The following COL13A1 variants were observed in gnomAD, a reference collection of about 807,000 sequenced individuals.
COL13A1 encodes collagen alpha-1(XIII) chain.
In COL13A1, 89 loss-of-function variants were observed where a neutral mutation model predicts 130.9. The ratio of observed to expected loss-of-function variants is 0.68; its 90% CI spans 0.57 to 0.81. The LOEUF (loss-of-function observed/expected upper bound fraction) is 0.81, where lower values mean the gene tolerates loss of function less well. Among genes scored for constraint, COL13A1 ranks in the 30% least tolerant of loss-of-function variants. The probability of loss-of-function intolerance (pLI) is 0.00; values close to 1 mark genes in which losing one functional copy is unlikely to be tolerated. For synonymous variants in COL13A1, 402 were observed against 341.6 expected (o/e 1.18, Z -1.95); for missense variants, 879 against 934.6 (o/e 0.94, Z 0.78).
At chr10:69,843,111 A>G (rs914123198) in intron 2 of COL13A1, among the ~76,000 whole-genome samples, 25 of 152,138 alleles carry the variant, frequency 1.6e-4, no homozygotes, top group African/African-American at 5.6e-4. Flanking sequence ...TCCAGCACCC[A>G]CGTCACAGCA....
chr10:69,871,000 A>G (rs2059014091), intron 3 of COL13A1, among the ~76,000 whole-genome samples: 1 of 152,036 alleles, frequency 6.6e-6, no homozygotes, highest in Non-Finnish European at 1.5e-5. Context: ...TGTCGGTTGT[A>G]AGGACACAGT....
At chr10:69,891,426 T>C (rs1360523744) in intron 10 of COL13A1, among the ~76,000 whole-genome samples, 1 of 152,154 alleles carries the variant, frequency 6.6e-6, no homozygotes. Flanking sequence ...AGGAAAATCC[T>C]TGACATGTCT....
intron 36 of COL13A1, 110 bp from the exon 37 acceptor site, chr10:69,945,561 C>G (rs1445773452): frequency 2.1e-6 from 3 of 1,458,874 alleles, no homozygotes; most frequent in Non-Finnish European, 2.8e-6. Flanking sequence ...TCCCGGAGGG[C>G]TCTTGAGGGG....
intron 8 of COL13A1, 30 bp downstream of exon 8, chr10:69,887,521 T>C (rs1471499770): frequency 5.0e-6 from 8 of 1,612,958 alleles, no homozygotes; most frequent in Non-Finnish European, 6.8e-6. Context: ...GTTAGCTGTG[T>C]CCCAGGTGGT....
intron 14 of COL13A1, among the ~76,000 whole-genome samples, chr10:69,901,190 G>C (rs1313035180): frequency 1.3e-5 from 2 of 152,140 alleles, no homozygotes; most frequent in Non-Finnish European, 2.9e-5. Context: ...CAGCCGGGTG[G>C]GGGACCTGCA....
At chr10:69,956,792 C>T in intron 39 of COL13A1, 3 of 566,916 alleles carry the variant, frequency 5.3e-6, no homozygotes, top group Non-Finnish European at 9.7e-6. Flanking sequence ...ACTATAGCTG[C>T]ATGTGACCTT....
At position 69,934,068 on chromosome 10, in the gene COL13A1, G is replaced by GA. The variant is rs1324519530; in HGVS notation, c.1729-1282_1729-1281insA. On this transcript the variant is annotated intron_variant, in intron 31 of 40. Coordinates refer to ENST00000645393, the MANE Select transcript of COL13A1 (RefSeq NM_001368882.1). Reference sequence around the variant, plus strand: ...ATATACAATTCTACACATATTATATGTAAATATCAAAAGTATATACATATA... The same window carrying GA: ...ATATACAATTCTACACATATTATATGATAAATATCAAAAGTATATACATATA... Among the ~76,000 whole-genome samples, 11 of 152,136 alleles carry GA rather than the reference G, an allele frequency of 7.2e-5. No individual in the cohort carries two copies. The East Asian group carries it at 1.9e-3, about 27-fold the overall frequency.
chr10:69,917,571 C>G (rs1413689623), intron 18 of COL13A1, among the ~76,000 whole-genome samples: 1 of 152,178 alleles, frequency 6.6e-6, no homozygotes, highest in Non-Finnish European at 1.5e-5. Context: ...AGCTCCACTG[C>G]AGTCCTAAGA....
intron 2 of COL13A1, among the ~76,000 whole-genome samples, chr10:69,842,327 T>C (rs1432154403): frequency 6.6e-6 from 1 of 152,208 alleles, no homozygotes; most frequent in East Asian, 1.9e-4. Flanking sequence ...ATTTAGAACC[T>C]TGTTAAACCT....
chr10:69,850,107 G>A (rs916748387), intron 2 of COL13A1, among the ~76,000 whole-genome samples: 1 of 152,068 alleles, frequency 6.6e-6, no homozygotes, highest in Non-Finnish European at 1.5e-5. Flanking sequence ...GGAGGGAGGC[G>A]CTGATCACTT....
At chr10:69,876,245 G>T (rs2704520) in intron 5 of COL13A1, among the ~76,000 whole-genome samples, 81,760 of 152,030 alleles carry the variant, frequency 0.54, 22,994 homozygotes, top group East Asian at 0.93. Context: ...CCTTCCCAAG[G>T]TCGCACAGTC....
intron 13 of COL13A1, chr10:69,897,620 G>T: frequency 1.4e-6 from 2 of 1,440,856 alleles, no homozygotes; most frequent in Admixed American, 3.6e-5. Context: ...CCAGGCCCCG[G>T]CAGTGGGAGC....
At position 69,802,372 on chromosome 10, in the gene COL13A1, T is replaced by C. The variant is rs1367810508; in HGVS notation, c.-52T>C. On this transcript the variant is annotated 5_prime_UTR_variant, in exon 1 of 41. Coordinates refer to ENST00000645393, the MANE Select transcript of COL13A1 (RefSeq NM_001368882.1). ...GGATAGAGCCTTTTGGCAGCGGCTGTCGCCTTTATTTATTCTATTTATTTA... is the reference window on the plus strand; with the variant it reads ...GGATAGAGCCTTTTGGCAGCGGCTGCCGCCTTTATTTATTCTATTTATTTA... 12 of 1,399,116 alleles carry C rather than the reference T, an allele frequency of 8.6e-6. No homozygotes were observed. In the East Asian group the frequency reaches 3.3e-4, roughly 38 times the overall value. The allele number at this position is 1,399,116 out of a possible 1,614,324, so 86.7% of individuals were successfully genotyped here. A position where few individuals can be genotyped will look rare whatever the true frequency, so the allele number is the denominator to read the frequency against.
At chr10:69,895,797 G>A (rs1283644981) in intron 13 of COL13A1, among the ~76,000 whole-genome samples, 1 of 152,164 alleles carries the variant, frequency 6.6e-6, no homozygotes, top group African/African-American at 2.4e-5. Flanking sequence ...GCTATATGGA[G>A]CCGCTCATCA....
intron 40 of COL13A1, among the ~76,000 whole-genome samples, chr10:69,958,142 C>T (rs757021017): frequency 1.3e-5 from 2 of 152,130 alleles, no homozygotes; most frequent in African/African-American, 2.4e-5. Flanking sequence ...GATGCCTCCC[C>T]AGAATCCATC....
intron 13 of COL13A1, among the ~76,000 whole-genome samples, chr10:69,898,460 TC>T (rs1353230540): frequency 6.6e-6 from 1 of 152,198 alleles, no homozygotes; most frequent in African/African-American, 2.4e-5. Flanking sequence ...CCACAACTCC[TC>T]CTAAGGGACG....
intron 20 of COL13A1, 65 bp downstream of exon 20, chr10:69,919,153 G>A: frequency 8.7e-6 from 14 of 1,603,468 alleles, no homozygotes; most frequent in Non-Finnish European, 1.2e-5. Flanking sequence ...GGTGGGAGGG[G>A]CTGCTGCTGT....
chr10:69,900,385 G>A (rs963525854), intron 14 of COL13A1, among the ~76,000 whole-genome samples: 5 of 152,210 alleles, frequency 3.3e-5, no homozygotes, highest in Non-Finnish European at 5.9e-5. Context: ...CAAGAGGGGT[G>A]CAGGATTCCA....
chr10:69,944,032 C>T, intron 35 of COL13A1, 93 bp from the exon 36 acceptor site: 2 of 1,056,728 alleles, frequency 1.9e-6, no homozygotes, highest in Non-Finnish European at 2.9e-6. Context: ...AAAACTGGGC[C>T]TTGGACCTTG....
Sources: gnomAD v4.1 joint callset for allele counts (sites outside exome capture counted in the v4.1 genomes callset) on GRCh38, gnomAD v4.1.1 for gene constraint, MANE v1.5 for transcripts, NCBI Gene and HGNC (gene_info 2026-07-23, HGNC 2026-07-21) for gene names.